PHAX: variants seen among roughly 807,000 people sequenced by gnomAD.
PHAX encodes the protein phosphorylated adapter RNA export protein.
A neutral mutation model predicts 41.6 loss-of-function variants in PHAX; 31 were observed. The observed-to-expected ratio is 0.75, with a 90% CI of 0.56 to 1.01. The LOEUF is 1.01. Ranked by LOEUF, PHAX falls within the 50% of genes least tolerant of loss-of-function variation. The pLI, the probability that PHAX is intolerant of heterozygous loss-of-function variation, is 0.00. For synonymous variants in PHAX, 175 were observed against 164.9 expected, an observed-to-expected ratio of 1.06 and a Z score of -0.47; for missense variants, 453 against 472.9, an observed-to-expected ratio of 0.96 and a Z score of 0.39.
chr5:126,622,411 C>T (rs1018036313), intron 4 of PHAX, among the ~76,000 whole-genome samples: 4 of 145,136 alleles, frequency 2.8e-5, no homozygotes, highest in African/African-American at 7.7e-5. Flanking sequence ...GGATTACAGG[C>T]GAGAGCCAGC....
chr5:126,619,597 A>G (rs1052085634), intron 4 of PHAX, among the ~76,000 whole-genome samples: 1 of 151,356 alleles, frequency 6.6e-6, no homozygotes, highest in Non-Finnish European at 1.5e-5. Context: ...AAAAAAAGTT[A>G]CAGGTGGTTA....
intron 3 of PHAX, among the ~76,000 whole-genome samples, chr5:126,610,546 C>G (rs1752078008): frequency 6.6e-6 from 1 of 152,180 alleles, no homozygotes. Context: ...ACTGCCATCC[C>G]TATTTGTGTC....
At chr5:126,602,565 AACAAAG>A (rs1210701386) in intron 1 of PHAX, among the ~76,000 whole-genome samples, 2 of 152,252 alleles carry the variant, frequency 1.3e-5, no homozygotes, top group South Asian at 2.1e-4. Flanking sequence ...GTAGGAGTTT[AACAAAG>A]ACAAATACTT....
intron 2 of PHAX, among the ~76,000 whole-genome samples, chr5:126,607,435 G>A (rs887584730): frequency 5.8e-4 from 69 of 119,922 alleles, no homozygotes; most frequent in African/African-American, 2.1e-3. Flanking sequence ...TTTCACTCTC[G>A]TTGCCCAGGC....
intron 4 of PHAX, among the ~76,000 whole-genome samples, chr5:126,620,107 TAAC>T (rs1752246770): frequency 6.6e-6 from 1 of 152,218 alleles, no homozygotes; most frequent in African/African-American, 2.4e-5. Context: ...GCTGTTCTCT[TAAC>T]AGTCATTTTA....
intron 4 of PHAX, among the ~76,000 whole-genome samples, chr5:126,624,001 G>T (rs1387789769): frequency 2.1e-5 from 3 of 142,066 alleles, no homozygotes; most frequent in East Asian, 4.1e-4. Flanking sequence ...TTTTGGTTTG[G>T]TTTTGGGTTT....
Position 126,603,363 on chromosome 5 carries a change from A to G in PHAX, c.97-207A>G, listed in dbSNP as rs1041872036. Among the ~76,000 whole-genome samples the G allele has an allele frequency of 2.7e-4, 41 of 152,252 alleles. 1 individual carries two copies. The highest frequency in any genetic ancestry group is 8.8e-5 in the Non-Finnish European group (6 of 68,048). The stretch of plus-strand genomic sequence containing the variant: ...AGGAGATCTTAGAACAAAGTGCTGC[A>G]TTAGTTGTAAAGATAAGAATTTGTG... On this transcript the variant is annotated intron_variant, in intron 1 of 4. Transcript: ENST00000297540.
chr5:126,604,052 G>T lies in PHAX; in HGVS notation c.579G>T (p.Gly193=), dbSNP rs368214269. 1.2e-5 allele frequency: 19 copies of T among 1,613,816 alleles called. No homozygotes were observed. The highest frequency in any genetic ancestry group is 1.6e-5 in the Non-Finnish European group (19 of 1,179,970). The change falls in exon 2 of 5, where the codon GGG becomes GGT. Residue 193 remains glycine (G), a synonymous_variant. Transcript: ENST00000297540. ...KKMGSKEEEN[G]QGHLKRKRPV... ...TGGGATCAAAGGAAGAGGAAAATGG[G>T]CAAGGTCATCTCAAAAGGAAACGAC...
At chr5:126,604,815 C>G (rs1180886460) in intron 2 of PHAX, among the ~76,000 whole-genome samples, 2 of 152,004 alleles carry the variant, frequency 1.3e-5, no homozygotes, top group Non-Finnish European at 2.9e-5. Context: ...GTGAGTGGAT[C>G]ATGAGGTCAG....
chr5:126,607,180 C>G (rs906001090), intron 2 of PHAX, among the ~76,000 whole-genome samples: 4 of 151,998 alleles, frequency 2.6e-5, no homozygotes, highest in Non-Finnish European at 4.4e-5. Flanking sequence ...TATCTGAACA[C>G]CAGTACTTGA....
intron 2 of PHAX, among the ~76,000 whole-genome samples, chr5:126,605,598 A>G (rs1751977310): frequency 6.6e-6 from 1 of 151,110 alleles, no homozygotes; most frequent in Non-Finnish European, 1.5e-5. Flanking sequence ...GGGTTTCATT[A>G]TGTTGGCCGG....
In PHAX at chr5:126,624,574, G is replaced by C. The variant is rs1158949959; in HGVS notation, c.916-1G>C. 1 of 1,586,354 alleles carries C rather than the reference G, an allele frequency of 6.3e-7. No homozygotes were observed. The highest frequency in any genetic ancestry group is 1.4e-5 in the African/African-American group (1 of 73,130). On this transcript the variant is annotated splice_acceptor_variant, in intron 4 of 4. Coordinates refer to ENST00000297540, the MANE Select transcript of PHAX (RefSeq NM_032177.4). LOFTEE classifies it high-confidence loss of function. ...TTACTAACTTTGTTCCTTTATTACA[G>C]GACATTTTCTACATTGAAAACCAAA...
chr5:126,610,846 C>T (rs1275655577), intron 3 of PHAX, among the ~76,000 whole-genome samples: 1 of 151,878 alleles, frequency 6.6e-6, no homozygotes, highest in Admixed American at 6.6e-5. Context: ...GCTGGGATTG[C>T]AGGTGCGTGC....
Position 126,600,976 on chromosome 5 carries a change from T to G in PHAX, c.14T>G (p.Val5Gly). Residue 5 changes from valine (V) to glycine (G), a missense_variant, in exon 1 of 5, where the codon GTC becomes GGC. Val to Gly is a moderately radical substitution (Grantham distance 109, BLOSUM62 -3). Transcript: ENST00000297540. ...CACCGCGGGAAGATGGCGTTGGAGG[T>G]CGGCGATATGGAAGATGGGCAGCTT... MALEVGDMEDGQLSD... is the reference protein window; with the variant it reads MALEGGDMEDGQLSD... 1 of 1,603,700 alleles carries G rather than the reference T, an allele frequency of 6.2e-7. No individual in the cohort carries two copies. Among genetic ancestry groups the G allele is most frequent in the Non-Finnish European group, 8.5e-7 (1 of 1,175,352 alleles).
At chr5:126,606,209 T>G (rs1408818045) in intron 2 of PHAX, among the ~76,000 whole-genome samples, 1 of 152,190 alleles carries the variant, frequency 6.6e-6, no homozygotes, top group Non-Finnish European at 1.5e-5. Context: ...TTTGTTTGTT[T>G]GTTTGAGACA....
In PHAX at chr5:126,626,763, TAGCC is replaced by T; in HGVS notation, c.*1920_*1923del. On this transcript the variant is annotated 3_prime_UTR_variant, in exon 5 of 5. Coordinates refer to ENST00000297540, the MANE Select transcript of PHAX (RefSeq NM_032177.4). ...AAAAAAAAAAAAAAATACAAAAAAT[TAGCC>T]GGGCATTGTGGTGCATGCCTGTAAT... The T allele has an allele frequency of 7.3e-6, 1 of 137,220 alleles. No homozygotes were observed. The highest frequency in any genetic ancestry group is 1.5e-5 in the Non-Finnish European group (1 of 65,586). 8.5% of individuals were successfully genotyped at this position (137,220 alleles called of 1,614,324 possible).
chr5:126,618,137 A>G (rs928252652), intron 4 of PHAX, among the ~76,000 whole-genome samples: 8 of 148,980 alleles, frequency 5.4e-5, no homozygotes, highest in Non-Finnish European at 1.0e-4. Context: ...TATTTTTTGT[A>G]GAGATGTTGC....
At chr5:126,609,362 A>G (rs1430016486) in intron 3 of PHAX, among the ~76,000 whole-genome samples, 2 of 151,916 alleles carry the variant, frequency 1.3e-5, no homozygotes, top group East Asian at 1.9e-4. Flanking sequence ...CGGCCTCCCA[A>G]AGTGCTGGGA....
At position 126,624,584 on chromosome 5, in the gene PHAX, T is replaced by C; in HGVS notation, c.925T>C (p.Tyr309His). Reference sequence around the variant, plus strand: ...TGTTCCTTTATTACAGGACATTTTCTACATTGAAAACCAAAAGGAATATGA... The same window carrying C: ...TGTTCCTTTATTACAGGACATTTTCCACATTGAAAACCAAAAGGAATATGA... The part of the protein sequence containing the change: ...ISEEQIKDIF[Y>H]IENQKEYENK... Residue 309 changes from tyrosine (Y) to histidine (H), a missense_variant, in exon 5 of 5, where the codon TAC becomes CAC. Tyr to His is a moderately conservative substitution (Grantham distance 83). Transcript: ENST00000297540. The C allele has an allele frequency of 6.3e-7, 1 of 1,591,732 alleles. No homozygotes were observed. The highest frequency in any genetic ancestry group is 8.5e-7 in the Non-Finnish European group (1 of 1,172,582).
Sources: gnomAD v4.1 joint callset for allele counts (sites outside exome capture counted in the v4.1 genomes callset) on GRCh38, gnomAD v4.1.1 for gene constraint, MANE v1.5 for transcripts, NCBI Gene and HGNC (gene_info 2026-07-23, HGNC 2026-07-21) for gene names.